The following ADARB1 variants were observed in gnomAD, a reference collection of about 807,000 sequenced individuals.
ADARB1 encodes double-stranded RNA-specific editase 1.
In ADARB1, 10 loss-of-function variants were observed where a neutral mutation model predicts 52.4. That is an observed-to-expected ratio of 0.19 (90% CI 0.12 to 0.32). ADARB1 has a LOEUF of 0.32. Among genes scored for constraint, ADARB1 ranks in the 10% least tolerant of loss-of-function variants. The pLI is 1.00. For missense variants in ADARB1, 643 were observed against 922.3 expected, an observed-to-expected ratio of 0.70 and a Z score of 3.92; for synonymous variants, 349 against 371.1, an observed-to-expected ratio of 0.94 and a Z score of 0.68.
rs1601564198 is a variant in ADARB1, at chr21:45,142,634, G to A, written c.-48+14061G>A. Among the ~76,000 whole-genome samples, 1 of 152,342 alleles carries A rather than the reference G, an allele frequency of 6.6e-6. No homozygotes were observed. Among genetic ancestry groups the A allele is most frequent in the East Asian group, 1.9e-4 (1 of 5,178 alleles). On this transcript the variant is annotated intron_variant, in intron 2 of 10. Coordinates refer to ENST00000348831, the MANE Select transcript of ADARB1 (RefSeq NM_001112.4). The surrounding 1 kb of genome is among the most constrained non-coding windows in gnomAD (Gnocchi z 4.0). ...CATGGCCACCATGTGACCTTGGGCA[G>A]TGACTCAGCCCAGCTGGCTGCCAGG... is the stretch of plus-strand genomic sequence containing the variant.
At position 45,176,681 on chromosome 21, in the gene ADARB1, C is replaced by T; in HGVS notation, c.963+17C>T. 6.3e-7 allele frequency: 1 copy of T among 1,579,476 alleles called. No homozygotes were observed. Among genetic ancestry groups the T allele is most frequent in the Non-Finnish European group, 8.6e-7 (1 of 1,163,358 alleles). ...TTACCGCAGGTGAGGAACTATGCTG[C>T]TGCTTTAAAACACGGGGTCATTGCT... On this transcript the variant is annotated intron_variant, in intron 4 of 10. Transcript: ENST00000348831. The surrounding 1 kb of genome is among the most constrained non-coding windows in gnomAD (Gnocchi z 5.8).
chr21:45,164,413 G>A (rs930401921), intron 2 of ADARB1, among the ~76,000 whole-genome samples: 4 of 152,048 alleles, frequency 2.6e-5, no homozygotes, highest in Non-Finnish European at 4.4e-5. Flanking sequence ...CATGGCGCCC[G>A]GGGTGGAGGG....
At position 45,162,232 on chromosome 21, in the gene ADARB1, C is replaced by T. The variant is rs550312947; in HGVS notation, c.-47-9378C>T. ...TTCCTGGTGTTTCCAAGCTTCTGGG[C>T]ACTACCGTATTCCCTGGTTTCAGCC... On this transcript the variant is annotated intron_variant, in intron 2 of 10. Transcript: ENST00000348831. Among the ~76,000 whole-genome samples, 15 of 152,296 alleles carry T rather than the reference C, an allele frequency of 9.8e-5. No homozygotes were observed. In the South Asian group the frequency reaches 3.1e-3, roughly 32 times the overall value.
At chr21:45,191,876 ATATATT>A (rs1569146721) in intron 8 of ADARB1, among the ~76,000 whole-genome samples, 3 of 35,082 alleles carry the variant, frequency 8.6e-5, no homozygotes, top group African/African-American at 2.4e-4. Context: ...ATATATATAT[ATATATT>A]TTTTTTTTTT....
rs75322763 is a variant in ADARB1, at chr21:45,098,443, G to A, written c.-220+23650G>A. Among the ~76,000 whole-genome samples, 374 of 152,212 alleles carry A rather than the reference G, an allele frequency of 2.5e-3. 1 individual carries two copies. Among genetic ancestry groups the A allele is most frequent in the African/African-American group, 8.1e-3 (337 of 41,522 alleles). On this transcript the variant is annotated intron_variant, in intron 1 of 10. Coordinates refer to ENST00000348831, the MANE Select transcript of ADARB1 (RefSeq NM_001112.4). ...CCATCTGTGCTCTTCCTCTGCTGAC[G>A]GCCCCTTCTGCCCCAGCTCATTATA...
At chr21:45,179,655 C>T (rs150027940) in intron 4 of ADARB1, among the ~76,000 whole-genome samples, 4 of 152,292 alleles carry the variant, frequency 2.6e-5, no homozygotes, top group East Asian at 1.9e-4. Flanking sequence ...TTTCCCTCCC[C>T]GTGCTGTTCT....
At chr21:45,132,167 A>T (rs190651114) in intron 2 of ADARB1, 1 of 152,366 alleles carries the variant, frequency 6.6e-6, no homozygotes, top group East Asian at 1.9e-4. Flanking sequence ...TTTGGCCAAG[A>T]ACGAGAAGTC....
chr21:45,222,234 G>A lies in ADARB1; in HGVS notation c.*37G>A, dbSNP rs770799376. Reference sequence around the variant, plus strand: ...ATGATGGGGGGTGCAGGGGGCTGTGGGCATCCAGCGTCATCCTCCAGAACC... The same window carrying A: ...ATGATGGGGGGTGCAGGGGGCTGTGAGCATCCAGCGTCATCCTCCAGAACC... On this transcript the variant is annotated 3_prime_UTR_variant, in exon 11 of 11. Coordinates refer to ENST00000348831, the MANE Select transcript of ADARB1 (RefSeq NM_001112.4). 2 of 1,517,982 alleles carry A rather than the reference G, an allele frequency of 1.3e-6. No individual in the cohort carries two copies. The highest frequency in any genetic ancestry group is 2.8e-5 in the African/African-American group (2 of 71,558). 94.0% of individuals were successfully genotyped at this position (1,517,982 alleles called of 1,614,324 possible). A position where few individuals can be genotyped will look rare whatever the true frequency, so the allele number is the denominator to read the frequency against.
Position 45,173,116 on chromosome 21 carries a change from G to T in ADARB1, c.28+1432G>T, listed in dbSNP as rs771915267. ...TCGCATAGACAGAGGCTTTGTGATC[G>T]TGTAGGTTCTGGAACTATCCCCAAA... On this transcript the variant is annotated intron_variant, in intron 3 of 10. Transcript: ENST00000348831. Among the ~76,000 whole-genome samples the T allele has an allele frequency of 2.0e-5, 3 of 152,224 alleles. No homozygotes were observed. In the East Asian group the frequency reaches 5.8e-4, roughly 29 times the overall value.
intron 2 of ADARB1, among the ~76,000 whole-genome samples, chr21:45,151,953 C>T (rs1192691667): frequency 1.3e-5 from 2 of 152,194 alleles, no homozygotes; most frequent in Non-Finnish European, 2.9e-5. Flanking sequence ...TGCCCCTGCT[C>T]TGCAGTAATG....
intron 1 of ADARB1, among the ~76,000 whole-genome samples, chr21:45,120,140 T>C (rs1417756837): frequency 6.6e-6 from 1 of 152,196 alleles, no homozygotes; most frequent in African/African-American, 2.4e-5. Context: ...TAGCCCTTAG[T>C]TGCACTGAGA....
chr21:45,117,006 A>G (rs923179446), intron 1 of ADARB1: 5 of 152,166 alleles, frequency 3.3e-5, no homozygotes, highest in Admixed American at 6.5e-5. Flanking sequence ...ATGTTGTACA[A>G]ATTAGCAGAT....
chr21:45,198,712 A>T (rs891060031), intron 8 of ADARB1, among the ~76,000 whole-genome samples: 1 of 152,200 alleles, frequency 6.6e-6, no homozygotes, highest in Non-Finnish European at 1.5e-5. Flanking sequence ...TGTGTGGCTC[A>T]TAACTCAAAG....
chr21:45,219,548 A>T (rs1299387562), intron 9 of ADARB1, among the ~76,000 whole-genome samples: 2 of 152,142 alleles, frequency 1.3e-5, no homozygotes, highest in Non-Finnish European at 2.9e-5. Flanking sequence ...ATGTCTTGGG[A>T]GTTTAACCAT....
intron 8 of ADARB1, among the ~76,000 whole-genome samples, chr21:45,195,646 A>G (rs2092408520): frequency 6.7e-6 from 1 of 149,706 alleles, no homozygotes; most frequent in South Asian, 2.1e-4. Context: ...CATTGGTTCT[A>G]GCACTGTTTG....
chr21:45,172,812 G>T lies in ADARB1; in HGVS notation c.28+1128G>T, dbSNP rs552588880. On this transcript the variant is annotated intron_variant, in intron 3 of 10. Coordinates refer to ENST00000348831, the MANE Select transcript of ADARB1 (RefSeq NM_001112.4). This position sits in a 1 kb window ranked among gnomAD's most constrained non-coding sequence, Gnocchi z 4.4. ...ACTTCCGCTGTTGTGTGCGCAGCCC[G>T]TGCCTGCCTGCTGGTGATTGTTTTT... is the stretch of plus-strand genomic sequence containing the variant. 1.6e-4 allele frequency among the ~76,000 whole-genome samples: 25 copies of T among 152,310 alleles called. No homozygotes were observed. The highest frequency in any genetic ancestry group is 5.8e-4 in the African/African-American group (24 of 41,560).
intron 1 of ADARB1, among the ~76,000 whole-genome samples, chr21:45,098,738 G>C (rs564444525): frequency 6.6e-6 from 1 of 152,220 alleles, no homozygotes; most frequent in Non-Finnish European, 1.5e-5. Context: ...GCTGGAGGCT[G>C]TTCTCTTTGG....
intron 2 of ADARB1, among the ~76,000 whole-genome samples, chr21:45,130,867 G>T (rs936031930): frequency 6.6e-6 from 1 of 152,112 alleles, no homozygotes; most frequent in Non-Finnish European, 1.5e-5. Context: ...AACATCTTGG[G>T]GGGATACAAT....
intron 1 of ADARB1, among the ~76,000 whole-genome samples, chr21:45,075,450 C>T (rs1450737002): frequency 6.6e-6 from 1 of 152,160 alleles, no homozygotes; most frequent in African/African-American, 2.4e-5. Context: ...GCGCCCTGGA[C>T]GGTCCTGCGT....
Sources: gnomAD v4.1 joint callset for allele counts (sites outside exome capture counted in the v4.1 genomes callset) on GRCh38, gnomAD v4.1.1 for gene constraint, Gnocchi (gnomAD v3.1) non-coding constraint, MANE v1.5 for transcripts, NCBI Gene and HGNC (gene_info 2026-07-23, HGNC 2026-07-21) for gene names.